POU2F3: variants seen among roughly 807,000 people sequenced by gnomAD.
POU2F3 encodes POU class 2 homeobox 3, also known as POU domain, class 2, transcription factor 3.
Under a neutral mutation model 59.2 loss-of-function variants are expected in POU2F3, and 23 were observed. The ratio of observed to expected loss-of-function variants is 0.39; its 90% CI spans 0.28 to 0.55. The LOEUF (loss-of-function observed/expected upper bound fraction) is 0.55. Among genes scored for constraint, POU2F3 ranks in the 20% least tolerant of loss-of-function variants. The pLI is 0.66. For missense variants in POU2F3, 473 were observed against 544.5 expected, an observed-to-expected ratio of 0.87 and a Z score of 1.31; for synonymous variants, 190 against 214.6, an observed-to-expected ratio of 0.89 and a Z score of 1.00.
chr11:120,306,729 G>C (rs925061861), intron 8 of POU2F3, among the ~76,000 whole-genome samples: 2 of 152,162 alleles, frequency 1.3e-5, no homozygotes, highest in African/African-American at 2.4e-5. Context: ...GGGAGAAAAG[G>C]GTGGGGCAGC....
intron 3 of POU2F3, among the ~76,000 whole-genome samples, chr11:120,279,995 G>A (rs545171814): frequency 3.3e-5 from 5 of 152,292 alleles, no homozygotes; most frequent in African/African-American, 1.2e-4. Context: ...TGAGAATGAA[G>A]GAGGGAGAAG....
upstream of POU2F3, chr11:120,236,797 C>T: frequency 2.3e-6 from 3 of 1,282,524 alleles, no homozygotes; most frequent in Non-Finnish European, 3.3e-6. Flanking sequence ...AGATTGCTCA[C>T]CATTCCCCCT....
chr11:120,284,536 C>T (rs1042512648), intron 3 of POU2F3, among the ~76,000 whole-genome samples: 3 of 152,096 alleles, frequency 2.0e-5, no homozygotes, highest in African/African-American at 7.2e-5. Flanking sequence ...GGCCTAGCCT[C>T]TAGGGACCCG....
At chr11:120,303,548 A>C (rs550505740) in intron 6 of POU2F3, 1 of 152,346 alleles carries the variant, frequency 6.6e-6, no homozygotes, top group African/African-American at 2.4e-5. Context: ...TCTAGCAGAG[A>C]GCCCCATAAG....
intron 4 of POU2F3, 37 bp downstream of exon 4, chr11:120,298,427 A>C: frequency 6.2e-7 from 1 of 1,609,516 alleles, no homozygotes; most frequent in Non-Finnish European, 8.5e-7. Context: ...CAGTGTGTTT[A>C]ACCCAATCCC....
chr11:120,299,761 C>A, intron 5 of POU2F3, 35 bp downstream of exon 5: 1 of 1,564,752 alleles, frequency 6.4e-7, no homozygotes, highest in Non-Finnish European at 8.7e-7. Flanking sequence ...TAGACCAAGT[C>A]CAGTCAAGTG....
intron 3 of POU2F3, among the ~76,000 whole-genome samples, chr11:120,280,749 C>T (rs1208593855): frequency 6.6e-6 from 1 of 152,186 alleles, no homozygotes; most frequent in African/African-American, 2.4e-5. Context: ...TTTCCAAAGC[C>T]CTGTCAGTCA....
At position 120,305,227 on chromosome 11, in the gene POU2F3, G is replaced by A. The variant is rs758709369; in HGVS notation, c.627+15G>A. On this transcript the variant is annotated intron_variant, in intron 7 of 12. Coordinates refer to ENST00000543440, the MANE Select transcript of POU2F3 (RefSeq NM_014352.4). The stretch of plus-strand genomic sequence containing the variant: ...GCTTCACACAGGTTTGGTTTTAGGG[G>A]AAAAGATAGAAGAAGTCTAGCCGAG... 1.2e-6 allele frequency: 2 copies of A among 1,609,914 alleles called. No individual in the cohort carries two copies. The highest frequency in any genetic ancestry group is 2.2e-5 in the South Asian group (2 of 90,802).
rs914344599 is a variant in POU2F3, at chr11:120,285,074, G to A, written c.133-13191G>A. On this transcript the variant is annotated intron_variant, in intron 3 of 12. Transcript: ENST00000543440. The surrounding 1 kb of genome is among the most constrained non-coding windows in gnomAD (Gnocchi z 4.3). ...TTTGGTGTTAAAATATTTAGTGCACGTAATGAAACGAAGGTCAGAGTCGGT... is the reference window on the plus strand; with the variant it reads ...TTTGGTGTTAAAATATTTAGTGCACATAATGAAACGAAGGTCAGAGTCGGT... Among the ~76,000 whole-genome samples the A allele has an allele frequency of 1.3e-5, 2 of 152,104 alleles. No individual in the cohort carries two copies.
intron 5 of POU2F3, chr11:120,302,015 G>C: frequency 2.5e-6 from 1 of 395,762 alleles, no homozygotes; most frequent in East Asian, 4.8e-5. Context: ...TAGCCTCTAC[G>C]CCTCTCCAGA....
At chr11:120,305,524 T>C (rs888570215) in intron 7 of POU2F3, 120 bp from the exon 8 acceptor site, 6 of 1,420,568 alleles carry the variant, frequency 4.2e-6, no homozygotes, top group African/African-American at 1.4e-5. Context: ...GAGCCGAGCA[T>C]GGGTGAGCAC....
intron 2 of POU2F3, among the ~76,000 whole-genome samples, chr11:120,262,702 G>C (rs1286119633): frequency 1.3e-5 from 2 of 152,224 alleles, no homozygotes; most frequent in Non-Finnish European, 2.9e-5. Flanking sequence ...GAGGTTGGTT[G>C]TTGGTATTGC....
In POU2F3 at chr11:120,318,748, G is replaced by A. The variant is rs917918228; in HGVS notation, c.*356G>A. The A allele has an allele frequency of 4.4e-6, 1 of 228,794 alleles. No individual in the cohort carries two copies. Among genetic ancestry groups the A allele is most frequent in the Non-Finnish European group, 8.4e-6 (1 of 119,106 alleles). The allele number at this position is 228,794 out of a possible 1,614,324, so 14.2% of individuals were successfully genotyped here. ...GCTGTTATTCTCCAACTCATCCGTG[G>A]GCTTCTGGGGACAGCCATTTGGCTG... On this transcript the variant is annotated 3_prime_UTR_variant, in exon 13 of 13. Coordinates refer to ENST00000543440, the MANE Select transcript of POU2F3 (RefSeq NM_014352.4).
intron 5 of POU2F3, chr11:120,301,470 T>C (rs1000448552): frequency 8.4e-5 from 15 of 178,476 alleles, no homozygotes; most frequent in African/African-American, 3.6e-4. Flanking sequence ...CATCAGCAGA[T>C]GCTGTATGTA....
intron 2 of POU2F3, among the ~76,000 whole-genome samples, chr11:120,248,160 A>G (rs904255500): frequency 1.3e-5 from 2 of 152,226 alleles, no homozygotes; most frequent in African/African-American, 2.4e-5. Flanking sequence ...GAATCCAGAC[A>G]TTGGCTAAGA....
At chr11:120,292,350 AAAAAACAAAAAAAAC>A (rs1941052153) in intron 3 of POU2F3, among the ~76,000 whole-genome samples, 1 of 145,312 alleles carries the variant, frequency 6.9e-6, no homozygotes, top group Non-Finnish European at 1.5e-5. Context: ...GGGATATGTT[AAAAAACAAAAAAAAC>A]AAAAACAAAA....
chr11:120,258,253 G>A (rs556377508), intron 2 of POU2F3, among the ~76,000 whole-genome samples: 3 of 152,112 alleles, frequency 2.0e-5, no homozygotes, highest in Non-Finnish European at 4.4e-5. Context: ...GACTAGGAAA[G>A]AGCCCCTTGG....
intron 1 of POU2F3, among the ~76,000 whole-genome samples, chr11:120,240,812 G>A (rs781114105): frequency 2.6e-5 from 4 of 152,114 alleles, no homozygotes; most frequent in South Asian, 2.1e-4. Flanking sequence ...GAGGCAAAGC[G>A]GACATTTAGG....
intron 3 of POU2F3, among the ~76,000 whole-genome samples, chr11:120,269,479 G>A (rs546933016): frequency 6.6e-6 from 1 of 152,102 alleles, no homozygotes; most frequent in Non-Finnish European, 1.5e-5. Flanking sequence ...ACCTGTTTAG[G>A]GTAAACTTTA....
Sources: allele counts gnomAD v4.1 joint callset (sites outside exome capture counted in the v4.1 genomes callset), GRCh38; gene constraint gnomAD v4.1.1; non-coding constraint Gnocchi (gnomAD v3.1); transcripts MANE v1.5; gene names NCBI Gene and HGNC (gene_info 2026-07-23, HGNC 2026-07-21).